MEF2B: variants seen among roughly 807,000 people sequenced by gnomAD.
MEF2B encodes the protein myocyte-specific enhancer factor 2B.
A neutral mutation model predicts 32.2 loss-of-function variants in MEF2B; 15 were observed. The observed-to-expected ratio is 0.47, with a 90% CI of 0.31 to 0.72. The LOEUF is 0.72. MEF2B is among the 30% of genes least tolerant of loss of function. MEF2B has a pLI of 0.05. For missense variants in MEF2B, 441 were observed against 511.5 expected (o/e 0.86, Z 1.33); for synonymous variants, 205 against 225.6 (o/e 0.91, Z 0.82).
chr19:19,153,120 A>T (rs1012499394), intron 1 of MEF2B, among the ~76,000 whole-genome samples: 4 of 152,176 alleles, frequency 2.6e-5, no homozygotes, highest in African/African-American at 9.6e-5. Context: ...CCTGATGCCC[A>T]GGGTCCCACG....
In MEF2B at chr19:19,168,324, A is replaced by C. The variant is rs1316470386; in HGVS notation, c.-30+1881T>G. 1.1e-4 allele frequency among the ~76,000 whole-genome samples: 14 copies of C among 126,016 alleles called. No individual in the cohort carries two copies. In the Admixed American group the frequency reaches 1.3e-3, roughly 12 times the overall value. 82.7% of individuals were successfully genotyped at this position (126,016 alleles called of 152,430 possible). A position where few individuals can be genotyped will look rare whatever the true frequency, so the allele number is the denominator to read the frequency against. On this transcript the variant is annotated intron_variant, in intron 1 of 8. Coordinates refer to ENST00000424583, the MANE Select transcript of MEF2B (RefSeq NM_001145785.2). ...GTTTCACTCTTGTTGCCCAGGCTGG[A>C]GTGCAATGACACGATCTTCGCTCAC...
chr19:19,147,732 C>G lies in MEF2B; in HGVS notation c.359G>C (p.Gly120Ala), dbSNP rs752963594. The change falls in exon 4 of 9, where the codon GGG becomes GCG. Residue 120 changes from glycine (G) to alanine (A), a missense_variant. Physicochemically the swap from Gly to Ala is moderately conservative, Grantham distance 60 (BLOSUM62 0). Coordinates refer to ENST00000424583, the MANE Select transcript of MEF2B (RefSeq NM_001145785.2). ...GEKFRRLAGE[G>A]GDPALPRPRL... is the part of the protein sequence containing the mutation. ...GGGTCGGGGCAAGGCCGGATCACCC[C>G]CTTCGCCTGCCAGCCTCCGAAACTT... 1 of 1,613,888 alleles carries G rather than the reference C, an allele frequency of 6.2e-7. No individual in the cohort carries two copies. Among genetic ancestry groups the G allele is most frequent in the Admixed American group, 1.7e-5 (1 of 60,018 alleles).
intron 1 of MEF2B, among the ~76,000 whole-genome samples, chr19:19,152,498 G>A (rs1479256375): frequency 1.3e-5 from 2 of 152,102 alleles, no homozygotes; most frequent in African/African-American, 2.4e-5. Context: ...GAGGTCAGGC[G>A]TTCGAGACCA....
chr19:19,158,864 G>A (rs1047447507), intron 1 of MEF2B, among the ~76,000 whole-genome samples: 4 of 152,018 alleles, frequency 2.6e-5, no homozygotes, highest in African/African-American at 9.7e-5. Context: ...TGAGCAGGGG[G>A]AGGCAGAGGT....
chr19:19,147,638 A>G, intron 4 of MEF2B, 60 bp downstream of exon 4: 2 of 1,587,568 alleles, frequency 1.3e-6, no homozygotes, highest in Non-Finnish European at 1.7e-6. Context: ...ACCAGCCTCA[A>G]CGACTTGGGC....
chr19:19,169,415 G>A (rs1047172738), intron 1 of MEF2B, among the ~76,000 whole-genome samples: 3 of 151,972 alleles, frequency 2.0e-5, no homozygotes, highest in African/African-American at 7.3e-5. Context: ...TGTTGCCCAG[G>A]CTGGTCTCAA....
rs201575406 is a variant in MEF2B at position 19,146,654 on chromosome 19, C to T, written c.676-6G>A. 229 of 1,613,240 alleles carry T rather than the reference C, an allele frequency of 1.4e-4. No individual in the cohort carries two copies. The African/African-American group carries it at 1.5e-3, about 10-fold the overall frequency. On this transcript the variant is annotated splice_polypyrimidine_tract_variant and splice_region_variant and intron_variant, in intron 6 of 8. Coordinates refer to ENST00000424583, the MANE Select transcript of MEF2B (RefSeq NM_001145785.2). ...AGGCCACTGTAGAGGCTTCTCTGTGCGGAGAGAGGGTGAAGGGGAAACTGA... is the reference window on the plus strand; with the variant it reads ...AGGCCACTGTAGAGGCTTCTCTGTGTGGAGAGAGGGTGAAGGGGAAACTGA...
chr19:19,160,678 G>A (rs1169325129), intron 1 of MEF2B, among the ~76,000 whole-genome samples: 1 of 151,740 alleles, frequency 6.6e-6, no homozygotes, highest in African/African-American at 2.4e-5. Context: ...GGGAGGGGGC[G>A]CTGCTCCCGG....
At chr19:19,166,316 C>T (rs1391248222) in intron 1 of MEF2B, among the ~76,000 whole-genome samples, 3 of 152,120 alleles carry the variant, frequency 2.0e-5, no homozygotes, top group East Asian at 1.9e-4. Flanking sequence ...GGTAACCACA[C>T]AAGTCCCCAA....
chr19:19,156,545 T>C (rs534512263), intron 1 of MEF2B, among the ~76,000 whole-genome samples: 2 of 152,166 alleles, frequency 1.3e-5, no homozygotes, highest in South Asian at 4.2e-4. Context: ...AAAACATGTT[T>C]AAAGGCCCAG....
intron 1 of MEF2B, among the ~76,000 whole-genome samples, chr19:19,160,229 CA>C (rs1804535639): frequency 1.3e-5 from 2 of 152,030 alleles, no homozygotes; most frequent in South Asian, 4.1e-4. Context: ...TTTGGCCTCC[CA>C]AAGTGCTGGG....
At chr19:19,147,307 C>A in intron 4 of MEF2B, 124 bp from the exon 5 acceptor site, 1 of 1,055,730 alleles carries the variant, frequency 9.5e-7, no homozygotes, top group Non-Finnish European at 1.3e-6. Context: ...GCTCCACCTC[C>A]CACCAGGCTC....
At chr19:19,156,658 T>G (rs981098597) in intron 1 of MEF2B, among the ~76,000 whole-genome samples, 4 of 152,100 alleles carry the variant, frequency 2.6e-5, no homozygotes, top group African/African-American at 9.7e-5. Flanking sequence ...CCGAGTCACT[T>G]TTTTTGTTTT....
At position 19,150,341 on chromosome 19, in the gene MEF2B, C is replaced by A. The variant is rs554478511; in HGVS notation, c.54+341G>T. ...TCAGGAGTTCGAGACTAGCCTGGCC[C>A]ACATGGTGAAACCCCGTCTCTACTA... On this transcript the variant is annotated intron_variant, in intron 2 of 8. Transcript: ENST00000424583. Among the ~76,000 whole-genome samples, 323 of 151,558 alleles carry A rather than the reference C, an allele frequency of 2.1e-3. 2 individuals carry two copies. The highest frequency in any genetic ancestry group is 7.3e-3 in the African/African-American group (303 of 41,304).
intron 8 of MEF2B, 72 bp from the exon 9 acceptor site, chr19:19,146,094 G>T: frequency 7.8e-7 from 1 of 1,285,702 alleles, no homozygotes; most frequent in Non-Finnish European, 1.0e-6. Context: ...ATGGCACAGC[G>T]TGGGCAAAGG....
In MEF2B at chr19:19,163,352, G is replaced by T. The variant is rs147446157; in HGVS notation, c.-30+6853C>A. 1.0e-2 allele frequency among the ~76,000 whole-genome samples: 1,520 copies of T among 152,060 alleles called. 24 individuals are homozygous for T. Among genetic ancestry groups the T allele is most frequent in the African/African-American group, 0.035 (1,451 of 41,492 alleles). On this transcript the variant is annotated intron_variant, in intron 1 of 8. Transcript: ENST00000424583. Reference sequence around the variant, plus strand: ...TTTTTTAGAGCCGGGGTCTCCCTGTGTTGCCCAGGCTGGTCTCAAACTCCT... The same window carrying T: ...TTTTTTAGAGCCGGGGTCTCCCTGTTTTGCCCAGGCTGGTCTCAAACTCCT...
At chr19:19,158,526 G>A (rs1288957964) in intron 1 of MEF2B, among the ~76,000 whole-genome samples, 5 of 150,242 alleles carry the variant, frequency 3.3e-5, no homozygotes, top group Non-Finnish European at 5.9e-5. Context: ...GGGAGGCTGA[G>A]GTGGGAGGAT....
At chr19:19,148,723 A>G (rs905525764) in intron 3 of MEF2B, among the ~76,000 whole-genome samples, 4 of 118,938 alleles carry the variant, frequency 3.4e-5, no homozygotes, top group Non-Finnish European at 7.6e-5. Flanking sequence ...TTATTTATTT[A>G]TTTTTTGAGA....
rs893560332 is a variant in MEF2B, at chr19:19,145,763, C to T, written c.*34G>A. ...CCCCACGTGCCCTCGCCGTACCTGG[C>T]GAGCGCTCTGGGCTGGTGCCACCGG... On this transcript the variant is annotated 3_prime_UTR_variant, in exon 9 of 9. Coordinates refer to ENST00000424583, the MANE Select transcript of MEF2B (RefSeq NM_001145785.2). This position sits in a 1 kb window ranked among gnomAD's most constrained non-coding sequence, Gnocchi z 4.6. 7.7e-6 allele frequency: 12 copies of T among 1,555,590 alleles called. No individual in the cohort carries two copies. In the African/African-American group the frequency reaches 1.1e-4, roughly 14 times the overall value.
Sources: allele counts gnomAD v4.1 joint callset (sites outside exome capture counted in the v4.1 genomes callset), GRCh38; gene constraint gnomAD v4.1.1; non-coding constraint Gnocchi (gnomAD v3.1); transcripts MANE v1.5; gene names NCBI Gene and HGNC (gene_info 2026-07-23, HGNC 2026-07-21).